Variants in PRR5L observed in about 807,000 individuals in gnomAD.
PRR5L encodes the protein proline rich 5 like.
PRR5L carries 21 observed loss-of-function variants against 36.4 expected under a neutral mutation model. The ratio of observed to expected loss-of-function variants is 0.58; its 90% confidence interval spans 0.41 to 0.83. The LOEUF (loss-of-function observed/expected upper bound fraction) is 0.83. Ranked by LOEUF, PRR5L falls within the 40% of genes least tolerant of loss-of-function variation. The pLI is 0.00. For synonymous variants in PRR5L, 188 were observed against 197.0 expected, an observed-to-expected ratio of 0.95 and a Z score of 0.38; for missense variants, 381 against 473.3, an observed-to-expected ratio of 0.80 and a Z score of 1.81.
intron 1 of PRR5L, among the ~76,000 whole-genome samples, chr11:36,320,831 C>A (rs1350660915): frequency 6.6e-6 from 1 of 152,116 alleles, no homozygotes; most frequent in Non-Finnish European, 1.5e-5. Flanking sequence ...ATTTATAGAA[C>A]CCTCTTGAGA....
chr11:36,302,077 C>A (rs1225275124), intron 1 of PRR5L, among the ~76,000 whole-genome samples: 1 of 152,178 alleles, frequency 6.6e-6, no homozygotes, highest in African/African-American at 2.4e-5. Flanking sequence ...TTGCACTGTG[C>A]TTTTGGCTTT....
intron 4 of PRR5L, among the ~76,000 whole-genome samples, chr11:36,427,753 G>T (rs1335642491): frequency 1.3e-5 from 2 of 152,116 alleles, no homozygotes; most frequent in African/African-American, 4.8e-5. Flanking sequence ...GGAACATGTG[G>T]GTACTCAGCA....
intron 1 of PRR5L, among the ~76,000 whole-genome samples, chr11:36,400,569 G>A (rs963592873): frequency 6.6e-6 from 1 of 152,188 alleles, no homozygotes; most frequent in Non-Finnish European, 1.5e-5. Context: ...ATGCAGACTG[G>A]CTTGGTAAGG....
chr11:36,334,534 T>C (rs1009117563), intron 1 of PRR5L, among the ~76,000 whole-genome samples: 2 of 152,230 alleles, frequency 1.3e-5, no homozygotes, highest in East Asian at 1.9e-4. Flanking sequence ...TATTATTTAC[T>C]CTATTTCAAT....
intron 7 of PRR5L, among the ~76,000 whole-genome samples, chr11:36,449,162 C>T (rs1298567602): frequency 2.0e-5 from 3 of 152,164 alleles, no homozygotes; most frequent in East Asian, 1.9e-4. Context: ...GATCTTTCCC[C>T]GGCCCAAGTC....
At chr11:36,365,401 G>A (rs1857134390) in intron 1 of PRR5L, among the ~76,000 whole-genome samples, 1 of 152,172 alleles carries the variant, frequency 6.6e-6, no homozygotes, top group African/African-American at 2.4e-5. Flanking sequence ...AAGTTTGACT[G>A]ACAGGGAATT....
intron 1 of PRR5L, among the ~76,000 whole-genome samples, chr11:36,374,101 CCTT>C (rs1565424771): frequency 1.1e-5 from 1 of 89,950 alleles, no homozygotes; most frequent in Non-Finnish European, 2.1e-5. Flanking sequence ...TTCCTTCCTT[CCTT>C]CCTCTCTCTC....
chr11:36,406,881 C>G (rs1234861980), intron 3 of PRR5L, among the ~76,000 whole-genome samples: 1 of 152,166 alleles, frequency 6.6e-6, no homozygotes, highest in Non-Finnish European at 1.5e-5. Flanking sequence ...TTTCTGGATT[C>G]AGAGAGACCA....
intron 1 of PRR5L, chr11:36,321,551 A>G (rs1856613719): frequency 1.3e-5 from 2 of 152,240 alleles, no homozygotes; most frequent in African/African-American, 4.8e-5. Flanking sequence ...CCATCTCTGA[A>G]GCTGGCTGGC....
intron 1 of PRR5L, among the ~76,000 whole-genome samples, chr11:36,397,184 C>T (rs1198517372): frequency 6.6e-6 from 1 of 150,910 alleles, no homozygotes; most frequent in Non-Finnish European, 1.5e-5. Flanking sequence ...TCTCCTGTCT[C>T]AGCCTCCTGA....
intron 1 of PRR5L, among the ~76,000 whole-genome samples, chr11:36,351,791 T>A (rs1263448180): frequency 2.2e-5 from 3 of 133,922 alleles, no homozygotes; most frequent in Non-Finnish European, 3.1e-5. Context: ...ATATTTTTTT[T>A]ATATATACCA....
intron 3 of PRR5L, among the ~76,000 whole-genome samples, chr11:36,413,031 G>A (rs528110269): frequency 1.3e-4 from 20 of 152,282 alleles, no homozygotes; most frequent in Middle Eastern, 3.4e-3. Context: ...TCGGAACAGA[G>A]GTGTGGAAAA....
chr11:36,346,777 A>T (rs2467080), intron 1 of PRR5L, among the ~76,000 whole-genome samples: 91,380 of 151,924 alleles, frequency 0.6, 28,721 homozygotes, highest in East Asian at 0.88. Context: ...CACAATGTTT[A>T]CTTAAATGAA....
chr11:36,339,969 ACTT>A (rs776914673), intron 1 of PRR5L, among the ~76,000 whole-genome samples: 3 of 151,832 alleles, frequency 2.0e-5, no homozygotes, highest in Non-Finnish European at 4.4e-5. Flanking sequence ...ACTGCACCCA[ACTT>A]CTTCTCTGAG....
rs532263443 is a variant in PRR5L, at chr11:36,399,988, C to T, written c.-125-1009C>T. Among the ~76,000 whole-genome samples the T allele has an allele frequency of 4.6e-5, 7 of 152,370 alleles. No individual in the cohort carries two copies. In the South Asian group the frequency reaches 1.4e-3, roughly 32 times the overall value. On this transcript the variant is annotated intron_variant, in intron 1 of 8. Coordinates refer to ENST00000530639, the MANE Select transcript of PRR5L (RefSeq NM_001160167.2). ...TTCAGACTCAGTGTGTTCAAAGTCA[C>T]ACAACTTGGGAGTGGCCAAGTTAAG...
At chr11:36,368,676 G>T (rs1405300553) in intron 1 of PRR5L, among the ~76,000 whole-genome samples, 1 of 152,206 alleles carries the variant, frequency 6.6e-6, no homozygotes, top group Non-Finnish European at 1.5e-5. Context: ...GAATGCAGAA[G>T]TCAGTAGAAG....
chr11:36,345,150 C>T (rs1233458855), intron 1 of PRR5L, among the ~76,000 whole-genome samples: 1 of 152,002 alleles, frequency 6.6e-6, no homozygotes, highest in Non-Finnish European at 1.5e-5. Flanking sequence ...TTGTGTTCTG[C>T]ACCCGGTGAG....
intron 3 of PRR5L, among the ~76,000 whole-genome samples, chr11:36,414,628 G>A (rs1858102040): frequency 7.1e-6 from 1 of 140,888 alleles, no homozygotes; most frequent in Non-Finnish European, 1.5e-5. Context: ...TGTCAGATGA[G>A]TAGGTTGTGA....
At chr11:36,419,631 T>G (rs1303502108) in intron 4 of PRR5L, among the ~76,000 whole-genome samples, 2 of 152,250 alleles carry the variant, frequency 1.3e-5, no homozygotes, top group Non-Finnish European at 2.9e-5. Flanking sequence ...TCTTAATGTA[T>G]TTAAGTAATA....
Sources: gnomAD v4.1 joint callset for allele counts (sites outside exome capture counted in the v4.1 genomes callset) on GRCh38, gnomAD v4.1.1 for gene constraint, MANE v1.5 for transcripts, NCBI Gene and HGNC (gene_info 2026-07-23, HGNC 2026-07-21) for gene names.